The following GRAMD4 variants were observed in gnomAD, a reference collection of about 807,000 sequenced individuals.
The protein encoded by GRAMD4 is GRAM domain-containing protein 4.
Under a neutral mutation model 83.9 loss-of-function variants are expected in GRAMD4, and 25 were observed. The observed-to-expected ratio is 0.30, with a 90% CI of 0.22 to 0.42. The LOEUF is 0.42. Among genes scored for constraint, GRAMD4 ranks in the 10% least tolerant of loss-of-function variants. GRAMD4 has a pLI of 1.00. For synonymous variants in GRAMD4, 336 were observed against 320.9 expected, an observed-to-expected ratio of 1.05 and a Z score of -0.50; for missense variants, 593 against 788.7, an observed-to-expected ratio of 0.75 and a Z score of 2.97.
intron 3 of GRAMD4, among the ~76,000 whole-genome samples, chr22:46,639,576 G>A (rs1157712211): frequency 6.6e-6 from 1 of 151,738 alleles, no homozygotes; most frequent in Non-Finnish European, 1.5e-5. Context: ...GTGTGTGCGT[G>A]TGGCGGTGGT....
Position 46,672,629 on chromosome 22 carries a change from G to A in GRAMD4, c.1085-214G>A, listed in dbSNP as rs898865821. 2.1e-4 allele frequency among the ~76,000 whole-genome samples: 32 copies of A among 151,998 alleles called. No individual in the cohort carries two copies. Among genetic ancestry groups the A allele is most frequent in the African/African-American group, 6.5e-4 (27 of 41,444 alleles). On this transcript the variant is annotated intron_variant, in intron 13 of 18. Coordinates refer to ENST00000406902, the MANE Select transcript of GRAMD4 (RefSeq NM_015124.5). This position sits in a 1 kb window ranked among gnomAD's most constrained non-coding sequence, Gnocchi z 4.7. ...GTGGGGCGCTGGCAGTGGGGCCCTC[G>A]CCTGGGGTTGAGACTGTGCAGCACG...
intron 2 of GRAMD4, among the ~76,000 whole-genome samples, chr22:46,627,461 C>A (rs1032996138): frequency 6.6e-5 from 10 of 152,376 alleles, no homozygotes; most frequent in Admixed American, 3.3e-4. Context: ...CCACGGAGCA[C>A]CTCAGCTAGG....
At chr22:46,682,425 T>C (rs1469228916), downstream of GRAMD4, 14 of 985,164 alleles carry the variant, frequency 1.4e-5, no homozygotes, top group African/African-American at 1.7e-5. Flanking sequence ...ATCATCATCA[T>C]AGGAGTGTGG....
At chr22:46,600,255 G>A (rs1196594507) in intron 1 of GRAMD4, among the ~76,000 whole-genome samples, 6 of 152,122 alleles carry the variant, frequency 3.9e-5, no homozygotes, top group Admixed American at 3.9e-4. Flanking sequence ...ACTGCTGAGG[G>A]TCTCCTAAAG....
downstream of GRAMD4, among the ~76,000 whole-genome samples, chr22:46,680,559 C>CGTCT (rs1180793167): frequency 1.0e-4 from 15 of 146,884 alleles, no homozygotes; most frequent in Non-Finnish European, 2.1e-4. Context: ...TCCGTCCGTC[C>CGTCT]GTCCGTCCAT....
At chr22:46,632,709 C>A (rs1450274688) in intron 2 of GRAMD4, among the ~76,000 whole-genome samples, 2 of 152,236 alleles carry the variant, frequency 1.3e-5, no homozygotes, top group African/African-American at 2.4e-5. Context: ...GCCCTCACCA[C>A]CCTGGTATCC....
chr22:46,639,564 G>A (rs1006852895), intron 3 of GRAMD4, among the ~76,000 whole-genome samples: 1 of 149,378 alleles, frequency 6.7e-6, no homozygotes, highest in African/African-American at 2.4e-5. Context: ...AGTTAACTCT[G>A]TGTGTGTGCG....
Position 46,679,740 on chromosome 22 carries a change from T to C in GRAMD4, c.*2489T>C, listed in dbSNP as rs1176128962. On this transcript the variant is annotated 3_prime_UTR_variant, in exon 19 of 19. Transcript: ENST00000406902. ...GTTTGTTTAAAGAAAAAGTATTGTA[T>C]AAATTATAATTTTTATTTAAATAAA... 1.0e-6 allele frequency: 1 copy of C among 971,322 alleles called. No homozygotes were observed. Among genetic ancestry groups the C allele is most frequent in the Non-Finnish European group, 1.2e-6 (1 of 816,990 alleles). The allele number at this position is 971,322 out of a possible 1,614,324, so 60.2% of individuals were successfully genotyped here.
rs538490460 is a variant in GRAMD4 at position 46,633,763 on chromosome 22, C to T, written c.163-4077C>T. Among the ~76,000 whole-genome samples, 6 of 152,282 alleles carry T rather than the reference C, an allele frequency of 3.9e-5. No homozygotes were observed. In the East Asian group the frequency reaches 5.8e-4, roughly 15 times the overall value. On this transcript the variant is annotated intron_variant, in intron 2 of 18. Transcript: ENST00000406902. ...TTGTGGGAAAGGCAACCCCTAGTTCCGAGCAGGGTGTCCATGGGGTGTAGG... is the reference window on the plus strand; with the variant it reads ...TTGTGGGAAAGGCAACCCCTAGTTCTGAGCAGGGTGTCCATGGGGTGTAGG...
At chr22:46,633,852 TG>T (rs2081816472) in intron 2 of GRAMD4, among the ~76,000 whole-genome samples, 1 of 152,098 alleles carries the variant, frequency 6.6e-6, no homozygotes, top group African/African-American at 2.4e-5. Context: ...CTGTCCTCAG[TG>T]TGGGGCTGGG....
chr22:46,610,067 C>T (rs562027923), intron 1 of GRAMD4, among the ~76,000 whole-genome samples: 10 of 152,280 alleles, frequency 6.6e-5, no homozygotes, highest in East Asian at 1.9e-4. Flanking sequence ...GATGGTGGCA[C>T]GTGGGATCCT....
intron 16 of GRAMD4, 73 bp downstream of exon 16, chr22:46,674,823 C>A: frequency 9.3e-7 from 1 of 1,078,268 alleles, no homozygotes; most frequent in Non-Finnish European, 1.4e-6. Flanking sequence ...CCTGGGATGG[C>A]GTGGCTGGCC....
chr22:46,643,054 C>A lies in GRAMD4; in HGVS notation c.283+5094C>A, dbSNP rs1337286457. 9.0e-5 allele frequency among the ~76,000 whole-genome samples: 11 copies of A among 121,796 alleles called. No homozygotes were observed. In the Admixed American group the frequency reaches 9.3e-4, roughly 10 times the overall value. The allele number at this position is 121,796 out of a possible 152,430, so 79.9% of individuals were successfully genotyped here. A position where few individuals can be genotyped will look rare whatever the true frequency, so the allele number is the denominator to read the frequency against. Reference sequence around the variant, plus strand: ...ATCCCTGGATCCATCCGTCCATCCACCCACCTACCCATCCATCCATCTATC... The same window carrying A: ...ATCCCTGGATCCATCCGTCCATCCAACCACCTACCCATCCATCCATCTATC... On this transcript the variant is annotated intron_variant, in intron 3 of 18. Transcript: ENST00000406902.
intron 17 of GRAMD4, 116 bp from the exon 18 acceptor site, chr22:46,676,484 C>A: frequency 2.4e-6 from 2 of 819,358 alleles, no homozygotes; most frequent in South Asian, 1.6e-5. Flanking sequence ...GTCCCAGGTG[C>A]CCGTGGGCCC....
At chr22:46,598,169 A>G (rs1050111873) in intron 1 of GRAMD4, among the ~76,000 whole-genome samples, 2 of 151,844 alleles carry the variant, frequency 1.3e-5, no homozygotes, top group Non-Finnish European at 2.9e-5. Context: ...TTTAGTAGAG[A>G]CAGGGTTTCT....
At chr22:46,637,675 A>G (rs2081911225) in intron 2 of GRAMD4, among the ~76,000 whole-genome samples, 165 bp from the exon 3 acceptor site, 1 of 152,142 alleles carries the variant, frequency 6.6e-6, no homozygotes, top group South Asian at 2.1e-4. Context: ...CCGTCGCCCC[A>G]TCTGACTGCT....
Position 46,658,281 on chromosome 22 carries a change from G to A in GRAMD4, c.378G>A (p.Gln126=). The A allele has an allele frequency of 6.2e-7, 1 of 1,612,636 alleles. No homozygotes were observed. Among genetic ancestry groups the A allele is most frequent in the Non-Finnish European group, 8.5e-7 (1 of 1,179,714 alleles). ...GGCAGCGGCGGATGGAGCTGGAGCAGAAGGTGCAGGAGGTGCTGAAGGCCA... is the reference window on the plus strand; with the variant it reads ...GGCAGCGGCGGATGGAGCTGGAGCAAAAGGTGCAGGAGGTGCTGAAGGCCA... ...RERQRRMELE[Q]KVQEVLKART... Residue 126 remains glutamine (Q), a synonymous_variant, in exon 4 of 19, where the codon CAG becomes CAA. Transcript: ENST00000406902.
intron 3 of GRAMD4, 69 bp downstream of exon 3, chr22:46,638,029 C>T (rs192280191): frequency 1.2e-5 from 18 of 1,535,530 alleles, no homozygotes; most frequent in Admixed American, 5.2e-5. Context: ...TGGGGGATGT[C>T]GTCTTGCCCA....
intron 13 of GRAMD4, chr22:46,671,229 C>T: frequency 3.1e-6 from 1 of 322,736 alleles, no homozygotes. Context: ...TGCCCCTCCT[C>T]ACACCTAGCA....
Sources: gnomAD v4.1 joint callset for allele counts (sites outside exome capture counted in the v4.1 genomes callset) on GRCh38, gnomAD v4.1.1 for gene constraint, Gnocchi (gnomAD v3.1) non-coding constraint, MANE v1.5 for transcripts, NCBI Gene and HGNC (gene_info 2026-07-23, HGNC 2026-07-21) for gene names.